FOXP2: variants seen among roughly 807,000 people sequenced by gnomAD.
FOXP2 encodes the protein forkhead box P2.
FOXP2 carries 12 observed loss-of-function variants against 115.8 expected under a neutral mutation model. The ratio of observed to expected loss-of-function variants is 0.10; its 90% CI spans 0.07 to 0.17. The LOEUF (loss-of-function observed/expected upper bound fraction) is 0.17. FOXP2 is among the 10% of genes least tolerant of loss of function. FOXP2 has a pLI of 1.00. For synonymous variants in FOXP2, 328 were observed against 297.7 expected (o/e 1.10, Z -1.05); for missense variants, 629 against 843.5 (o/e 0.75, Z 3.15).
Position 114,690,623 on chromosome 7 carries a change from A to G in FOXP2, c.*697A>G. The G allele has an allele frequency of 2.2e-6, 1 of 454,156 alleles. No homozygotes were observed. Among genetic ancestry groups the G allele is most frequent in the Non-Finnish European group, 4.4e-6 (1 of 226,772 alleles). 28.1% of individuals were successfully genotyped at this position (454,156 alleles called of 1,614,324 possible). On this transcript the variant is annotated 3_prime_UTR_variant, in exon 17 of 17. Coordinates refer to ENST00000350908, the MANE Select transcript of FOXP2 (RefSeq NM_014491.4). ...AAGATGTAAAGTGCAATCCTAAGCT[A>G]ACATTATCTGTGCAAGCACCATAGA...
At chr7:114,253,465 T>A (rs1353604233) in intron 1 of FOXP2, among the ~76,000 whole-genome samples, 1 of 152,172 alleles carries the variant, frequency 6.6e-6, no homozygotes, top group African/African-American at 2.4e-5. Context: ...GCTTTATGAA[T>A]CTTGGTGCTC....
At chr7:114,503,675 A>C (rs891065387) in intron 2 of FOXP2, among the ~76,000 whole-genome samples, 6 of 151,106 alleles carry the variant, frequency 4.0e-5, no homozygotes, top group Admixed American at 2.0e-4. Flanking sequence ...AAATAAGCCA[A>C]ATTAATCCAC....
chr7:114,463,068 TC>T, intron 2 of FOXP2: 1 of 433,692 alleles, frequency 2.3e-6, no homozygotes, highest in Admixed American at 2.5e-5. Context: ...TTGTTCTGTT[TC>T]CCAGGCTGGA....
chr7:114,376,462 G>C (rs2129190591), intron 2 of FOXP2, among the ~76,000 whole-genome samples: 1 of 152,306 alleles, frequency 6.6e-6, no homozygotes, highest in South Asian at 2.1e-4. Context: ...AGTGTCTGGG[G>C]AATAATTGTT....
chr7:114,343,854 T>A (rs1291183277), intron 2 of FOXP2, among the ~76,000 whole-genome samples: 9 of 151,682 alleles, frequency 5.9e-5, no homozygotes, highest in Admixed American at 2.6e-4. Flanking sequence ...AACTTGCTAT[T>A]TTCTAACCAT....
intron 1 of FOXP2, among the ~76,000 whole-genome samples, chr7:114,257,823 ATG>A (rs1376822651): frequency 6.6e-6 from 1 of 152,180 alleles, no homozygotes; most frequent in Non-Finnish European, 1.5e-5. Flanking sequence ...TGGGGGAAAA[ATG>A]TTCCAGGGAA....
intron 2 of FOXP2, among the ~76,000 whole-genome samples, chr7:114,347,820 G>A (rs572318643): frequency 6.6e-6 from 1 of 152,032 alleles, no homozygotes; most frequent in East Asian, 1.9e-4. Flanking sequence ...ATAAAAACAA[G>A]ATTTTCTTGA....
In FOXP2 at chr7:114,481,548, C is replaced by G. The variant is rs1293019247; in HGVS notation, c.169-53069C>G. Among the ~76,000 whole-genome samples the G allele has an allele frequency of 3.3e-5, 5 of 151,232 alleles. No individual in the cohort carries two copies. The East Asian group carries it at 9.6e-4, about 29-fold the overall frequency. On this transcript the variant is annotated intron_variant, in intron 2 of 16. Coordinates refer to ENST00000350908, the MANE Select transcript of FOXP2 (RefSeq NM_014491.4). Reference sequence around the variant, plus strand: ...GTAAAGACTCTCCACTCAGAACAACCAATGTGTTCCTAAATAGTTCTTTTC... The same window carrying G: ...GTAAAGACTCTCCACTCAGAACAACGAATGTGTTCCTAAATAGTTCTTTTC...
chr7:114,334,262 C>T (rs1274884451), intron 2 of FOXP2, among the ~76,000 whole-genome samples: 4 of 151,882 alleles, frequency 2.6e-5, no homozygotes, highest in Admixed American at 2.6e-4. Flanking sequence ...TGGGTTAAAA[C>T]TGTGTCCATT....
At chr7:114,523,565 C>T (rs1798724019) in intron 2 of FOXP2, among the ~76,000 whole-genome samples, 2 of 152,264 alleles carry the variant, frequency 1.3e-5, no homozygotes, top group South Asian at 4.1e-4. Flanking sequence ...CTCATCATTT[C>T]TGAAAGGAAG....
At chr7:114,418,483 T>A (rs1430485944) in intron 1 of FOXP2, among the ~76,000 whole-genome samples, 3 of 151,926 alleles carry the variant, frequency 2.0e-5, no homozygotes. Context: ...TCTAAAGAAG[T>A]TGTAGTGACT....
intron 3 of FOXP2, among the ~76,000 whole-genome samples, chr7:114,550,425 T>C (rs1014178759): frequency 1.3e-5 from 2 of 152,190 alleles, no homozygotes; most frequent in African/African-American, 4.8e-5. Flanking sequence ...CTCATCTTTC[T>C]TTTGAAGAAG....
intron 2 of FOXP2, among the ~76,000 whole-genome samples, chr7:114,429,236 G>C (rs755676975): frequency 1.7e-4 from 26 of 151,510 alleles, no homozygotes; most frequent in Non-Finnish European, 3.7e-4. Context: ...TTGATAAACT[G>C]TAACTAGCAT....
intron 2 of FOXP2, among the ~76,000 whole-genome samples, chr7:114,354,399 C>A (rs994125994): frequency 5.3e-5 from 8 of 152,042 alleles, no homozygotes; most frequent in African/African-American, 1.9e-4. Context: ...ATATATAAAA[C>A]CTTCATATCT....
intron 2 of FOXP2, among the ~76,000 whole-genome samples, chr7:114,398,679 A>G (rs1792803637): frequency 6.6e-6 from 1 of 152,262 alleles, no homozygotes; most frequent in Non-Finnish European, 1.5e-5. Context: ...TGCACAGTAT[A>G]AATTACTACA....
chr7:114,577,873 A>G (rs1801655949), intron 3 of FOXP2, among the ~76,000 whole-genome samples: 2 of 151,954 alleles, frequency 1.3e-5, no homozygotes, highest in Non-Finnish European at 2.9e-5. Context: ...GATTATAATA[A>G]AGGGGAGGCA....
chr7:114,171,930 C>T (rs1205767506), intron 1 of FOXP2, among the ~76,000 whole-genome samples: 1 of 151,834 alleles, frequency 6.6e-6, no homozygotes, highest in African/African-American at 2.4e-5. Context: ...TTGGGGGGTT[C>T]AAGACATAAG....
At chr7:114,530,225 A>T (rs1799076712) in intron 2 of FOXP2, among the ~76,000 whole-genome samples, 1 of 151,980 alleles carries the variant, frequency 6.6e-6, no homozygotes, top group Admixed American at 6.6e-5. Flanking sequence ...CAGGAGATCC[A>T]TTTGGGCTGC....
intron 1 of FOXP2, among the ~76,000 whole-genome samples, chr7:114,253,626 C>A (rs1289398302): frequency 6.6e-6 from 1 of 151,848 alleles, no homozygotes; most frequent in Non-Finnish European, 1.5e-5. Flanking sequence ...CCTGCCTTTT[C>A]TTGTTTTCCA....
Sources: allele counts gnomAD v4.1 joint callset (sites outside exome capture counted in the v4.1 genomes callset), GRCh38; gene constraint gnomAD v4.1.1; transcripts MANE v1.5; gene names NCBI Gene and HGNC (gene_info 2026-07-23, HGNC 2026-07-21).